Variants in IDO2 observed in about 807,000 individuals in gnomAD.
IDO2 encodes indoleamine 2,3-dioxygenase-like 1 protein.
A neutral mutation model predicts 45.1 loss-of-function variants in IDO2; 46 were observed. That is an observed-to-expected ratio of 1.02 (90% confidence interval 0.80 to 1.30). IDO2 has a LOEUF of 1.30. Ranked by LOEUF, IDO2 falls within the 50% of genes most tolerant of loss-of-function variation. The pLI is 0.00. For synonymous variants in IDO2, 218 were observed against 184.9 expected, an observed-to-expected ratio of 1.18 and a Z score of -1.45; for missense variants, 544 against 491.8, an observed-to-expected ratio of 1.11 and a Z score of -1.00.
intron 8 of IDO2, among the ~76,000 whole-genome samples, chr8:40,003,898 T>C (rs1450492543): frequency 2.0e-5 from 3 of 152,198 alleles, no homozygotes; most frequent in East Asian, 3.8e-4. Flanking sequence ...TTTAAGAACA[T>C]CTCTTATTCC....
chr8:40,010,830 T>C (rs1381402172), intron 9 of IDO2, among the ~76,000 whole-genome samples: 1 of 152,194 alleles, frequency 6.6e-6, no homozygotes, highest in Admixed American at 6.5e-5. Flanking sequence ...GGCAGTTGGA[T>C]GTATGGGTCT....
chr8:39,985,581 A>G, intron 6 of IDO2, 59 bp downstream of exon 6: 6 of 1,390,700 alleles, frequency 4.3e-6, no homozygotes, highest in Non-Finnish European at 6.0e-6. Flanking sequence ...AAAATCTTAC[A>G]ATAAAACAAA....
intron 2 of IDO2, among the ~76,000 whole-genome samples, chr8:39,952,239 T>C (rs1162514300): frequency 6.6e-6 from 1 of 152,164 alleles, no homozygotes; most frequent in Admixed American, 6.5e-5. Flanking sequence ...AGAATCACAA[T>C]TGGCTGCCCT....
At chr8:40,008,031 T>C (rs1458923312) in intron 9 of IDO2, among the ~76,000 whole-genome samples, 1 of 148,830 alleles carries the variant, frequency 6.7e-6, no homozygotes, top group Admixed American at 6.7e-5. Context: ...TTTTTTTCCA[T>C]CTCAGCACTG....
chr8:39,979,096 G>T (rs757216391), exon 4 of IDO2: 4 of 1,597,240 alleles, frequency 2.5e-6, no homozygotes, highest in Non-Finnish European at 1.7e-6. Flanking sequence ...AGTTCCTGAA[G>T]GGTCACCGGG....
At chr8:39,987,891 C>T (rs1436282236) in exon 7 of IDO2, 2 of 1,609,634 alleles carry the variant, frequency 1.2e-6, no homozygotes, top group African/African-American at 2.7e-5. Context: ...ACCATCATCT[C>T]ATTTCCTGGG....
chr8:39,994,168 A>T (rs924151731), intron 8 of IDO2, among the ~76,000 whole-genome samples: 1 of 152,204 alleles, frequency 6.6e-6, no homozygotes, highest in Non-Finnish European at 1.5e-5. Flanking sequence ...GATTATTTCA[A>T]CACAGAGGAT....
intron 8 of IDO2, 33 bp from the exon 9 acceptor site, chr8:40,005,294 G>A (rs374861318): frequency 6.6e-7 from 1 of 1,518,554 alleles, no homozygotes; most frequent in South Asian, 1.3e-5. Context: ...TTCTTTGCCT[G>A]TAGTAAAGTT....
chr8:39,982,738 G>T (rs777517966), exon 5 of IDO2: 2 of 1,607,468 alleles, frequency 1.2e-6, no homozygotes, highest in Admixed American at 3.4e-5. Context: ...CAGACTTGGT[G>T]CTGACGAACT....
chr8:40,015,393 G>T, exon 11 of IDO2: 1 of 1,613,870 alleles, frequency 6.2e-7, no homozygotes, highest in Non-Finnish European at 8.5e-7. Flanking sequence ...GTGTGTGCAG[G>T]CCCTGGCAGA....
At chr8:39,997,861 G>C (rs1802072984) in intron 8 of IDO2, 1 of 175,104 alleles carries the variant, frequency 5.7e-6, no homozygotes, top group African/African-American at 2.4e-5. Flanking sequence ...CATTTCTTCA[G>C]AGCATGGAAA....
intron 2 of IDO2, among the ~76,000 whole-genome samples, chr8:39,960,057 G>A (rs1205633824): frequency 1.3e-5 from 2 of 152,144 alleles, no homozygotes; most frequent in East Asian, 3.9e-4. Context: ...CTTGAACCCA[G>A]GTTTGTCTCA....
chr8:39,970,731 C>T (rs1412891862), intron 3 of IDO2, among the ~76,000 whole-genome samples: 1 of 151,336 alleles, frequency 6.6e-6, no homozygotes, highest in Non-Finnish European at 1.5e-5. Flanking sequence ...GCAGACAAAA[C>T]CATCTTTTAT....
intron 8 of IDO2, among the ~76,000 whole-genome samples, chr8:40,002,849 A>G (rs933605037): frequency 1.3e-5 from 2 of 152,274 alleles, no homozygotes; most frequent in Non-Finnish European, 1.5e-5. Context: ...TTAAATGTCT[A>G]CATTAATTTG....
At chr8:39,968,147 A>G (rs56003081) in intron 3 of IDO2, among the ~76,000 whole-genome samples, 13,065 of 152,140 alleles carry the variant, frequency 0.086, 653 homozygotes, top group Middle Eastern at 0.12. Context: ...CCAAATTATA[A>G]TAATTGTAAA....
At chr8:39,982,300 A>T (rs28714407) in intron 4 of IDO2, among the ~76,000 whole-genome samples, 2 of 149,374 alleles carry the variant, frequency 1.3e-5, no homozygotes, top group African/African-American at 2.5e-5. Context: ...ATCTATCAAA[A>T]TTTTTTTCCG....
rs139807607 is a variant in IDO2, at chr8:39,982,447, C to T, written c.316-205C>T. 8.8e-3 allele frequency among the ~76,000 whole-genome samples: 1,336 copies of T among 151,950 alleles called. 28 individuals are homozygous for T. The highest frequency in any genetic ancestry group is 0.026 in the Admixed American group (391 of 15,240). ...GTTGTAATTTTCACATATATTGCAC[C>T]GTGTACTCATAAGCAGTATTTCCAC... On this transcript the variant is annotated intron_variant, in intron 4 of 10. Transcript: ENST00000502986.
exon 4 of IDO2, chr8:39,979,071 C>T (rs1483863845): frequency 6.3e-7 from 1 of 1,581,182 alleles, no homozygotes; most frequent in Admixed American, 1.8e-5. Flanking sequence ...GAACAGATGC[C>T]CCTGCTGAGC....
chr8:40,016,076 G>A (rs138307743), exon 11 of IDO2: 224 of 391,498 alleles, frequency 5.7e-4, no homozygotes, highest in African/African-American at 4.2e-3. Context: ...TGAATGTGTT[G>A]AGTTGGTGGC....
Sources: allele counts gnomAD v4.1 joint callset (sites outside exome capture counted in the v4.1 genomes callset), GRCh38; gene constraint gnomAD v4.1.1; transcripts MANE v1.5; gene names NCBI Gene and HGNC (gene_info 2026-07-23, HGNC 2026-07-21).